MAF: variants seen among roughly 807,000 people sequenced by gnomAD.
The protein encoded by MAF is transcription factor Maf.
Under a neutral mutation model 22.0 loss-of-function variants are expected in MAF, and 10 were observed. The observed-to-expected ratio is 0.45, with a 90% CI of 0.28 to 0.77. The LOEUF (loss-of-function observed/expected upper bound fraction) is 0.77, where lower values mean the gene tolerates loss of function less well. Ranked by LOEUF, MAF falls within the 30% of genes least tolerant of loss-of-function variation. The probability of loss-of-function intolerance (pLI) is 0.12; values close to 1 mark genes in which losing one functional copy is unlikely to be tolerated. For missense variants in MAF, 544 were observed against 548.4 expected (o/e 0.99, Z 0.08); for synonymous variants, 337 against 255.8 (o/e 1.32, Z -3.03).
the MAF span, among the ~76,000 whole-genome samples, chr16:79,469,951 A>C: frequency 6.6e-6 from 1 of 152,210 alleles, no homozygotes. Context: ...TTTTGTTCCC[A>C]TTTTACAGAC....
chr16:79,425,171 A>T, the MAF span, among the ~76,000 whole-genome samples: 1 of 152,138 alleles, frequency 6.6e-6, no homozygotes, highest in South Asian at 2.1e-4. Flanking sequence ...CATATTGCAA[A>T]TGTATTCATA....
chr16:79,448,191 T>C, the MAF span, among the ~76,000 whole-genome samples: 90,432 of 151,938 alleles, frequency 0.6, 30,430 homozygotes, highest in East Asian at 0.77. Context: ...CACAGAGAAA[T>C]TGTTAGTGAA....
the MAF span, among the ~76,000 whole-genome samples, chr16:79,503,517 A>G: frequency 3.3e-5 from 5 of 152,216 alleles, no homozygotes; most frequent in African/African-American, 7.2e-5. Flanking sequence ...TTTGAGATAC[A>G]TCTCCCTACT....
the MAF span, among the ~76,000 whole-genome samples, chr16:79,348,538 T>C: frequency 6.6e-6 from 1 of 152,320 alleles, no homozygotes; most frequent in East Asian, 1.9e-4. Flanking sequence ...TTTAGTGTGA[T>C]AAAAGGGGTT....
At chr16:79,447,654 G>A in the MAF span, among the ~76,000 whole-genome samples, 1 of 152,102 alleles carries the variant, frequency 6.6e-6, no homozygotes. Flanking sequence ...CATGGAGGGA[G>A]ATCAAAATAT....
At chr16:79,515,619 G>T in the MAF span, among the ~76,000 whole-genome samples, 1 of 152,164 alleles carries the variant, frequency 6.6e-6, no homozygotes, top group Non-Finnish European at 1.5e-5. Context: ...GGTTTATAAA[G>T]CTATAGCCCC....
At chr16:79,311,597 AAG>A in the MAF span, among the ~76,000 whole-genome samples, 3 of 152,042 alleles carry the variant, frequency 2.0e-5, no homozygotes, top group Non-Finnish European at 2.9e-5. Flanking sequence ...CTCAGCTGGA[AAG>A]AGAGGCAGGC....
the MAF span, among the ~76,000 whole-genome samples, chr16:79,220,331 A>G: frequency 6.6e-6 from 1 of 152,178 alleles, no homozygotes; most frequent in Non-Finnish European, 1.5e-5. Context: ...TCAGAAAAAC[A>G]CATGTGCCCA....
the MAF span, among the ~76,000 whole-genome samples, chr16:79,570,407 T>G: frequency 6.6e-6 from 1 of 152,174 alleles, no homozygotes; most frequent in Non-Finnish European, 1.5e-5. Flanking sequence ...TCCTATTCCC[T>G]ATAGCCCTGG....
the MAF span, among the ~76,000 whole-genome samples, chr16:79,418,054 G>A: frequency 9.2e-5 from 14 of 152,068 alleles, no homozygotes; most frequent in Non-Finnish European, 1.5e-4. Flanking sequence ...AAAAGAAAAA[G>A]AAAATCCTTG....
chr16:79,485,949 A>G, the MAF span, among the ~76,000 whole-genome samples: 1 of 152,176 alleles, frequency 6.6e-6, no homozygotes, highest in Non-Finnish European at 1.5e-5. Flanking sequence ...AACTGATGGA[A>G]CTCTATAAGG....
chr16:79,486,173 G>C, the MAF span, among the ~76,000 whole-genome samples: 2 of 152,062 alleles, frequency 1.3e-5, no homozygotes, highest in African/African-American at 2.4e-5. Context: ...TTTTCATGTG[G>C]GGCTCATCTC....
the MAF span, among the ~76,000 whole-genome samples, chr16:79,443,297 G>C: frequency 0.71 from 108,054 of 151,856 alleles, 38,654 homozygotes; most frequent in East Asian, 0.91. Flanking sequence ...ACTTCAAAGT[G>C]TCAACCCCCA....
At chr16:79,557,764 C>T in the MAF span, among the ~76,000 whole-genome samples, 2 of 151,984 alleles carry the variant, frequency 1.3e-5, no homozygotes, top group Non-Finnish European at 2.9e-5. Flanking sequence ...TGTTAAGTGC[C>T]TACTGTATGC....
chr16:79,473,314 C>A, the MAF span, among the ~76,000 whole-genome samples: 1 of 152,126 alleles, frequency 6.6e-6, no homozygotes, highest in East Asian at 1.9e-4. Flanking sequence ...TCCACGGTGG[C>A]AACCCAGGCA....
At chr16:79,237,409 A>T in the MAF span, among the ~76,000 whole-genome samples, 1 of 152,092 alleles carries the variant, frequency 6.6e-6, no homozygotes, top group Admixed American at 6.5e-5. Flanking sequence ...ATATAATTCC[A>T]CTCGGTAAAT....
the MAF span, among the ~76,000 whole-genome samples, chr16:79,257,768 C>A: frequency 6.6e-6 from 1 of 152,170 alleles, no homozygotes; most frequent in African/African-American, 2.4e-5. Flanking sequence ...GAGCTAGAAT[C>A]ATGTTCAAGA....
the MAF span, among the ~76,000 whole-genome samples, chr16:79,402,265 G>C: frequency 1.3e-5 from 2 of 152,174 alleles, no homozygotes; most frequent in Non-Finnish European, 2.9e-5. Flanking sequence ...CACAGTATCT[G>C]AAGGACAGAA....
the MAF span, among the ~76,000 whole-genome samples, chr16:79,567,491 T>C: frequency 6.6e-6 from 1 of 152,228 alleles, no homozygotes; most frequent in Non-Finnish European, 1.5e-5. Flanking sequence ...TTTATCTTTT[T>C]GCTTTTTCTT....
Sources: gnomAD v4.1 joint callset for allele counts (sites outside exome capture counted in the v4.1 genomes callset) on GRCh38, gnomAD v4.1.1 for gene constraint, MANE v1.5 for transcripts, NCBI Gene and HGNC (gene_info 2026-07-23, HGNC 2026-07-21) for gene names.